MTA3: variants seen among roughly 807,000 people sequenced by gnomAD.
The protein encoded by MTA3 is metastasis-associated protein MTA3.
A neutral mutation model predicts 83.5 loss-of-function variants in MTA3; 34 were observed. That is an observed-to-expected ratio of 0.41 (90% CI 0.31 to 0.54). The LOEUF is 0.54. MTA3 is among the 20% of genes least tolerant of loss of function. The probability of loss-of-function intolerance (pLI) is 0.33; values close to 1 mark genes in which losing one functional copy is unlikely to be tolerated. For synonymous variants in MTA3, 303 were observed against 252.7 expected (o/e 1.20, Z -1.89); for missense variants, 761 against 726.4 (o/e 1.05, Z -0.55).
intron 2 of MTA3, among the ~76,000 whole-genome samples, chr2:42,499,747 C>A (rs1048257820): frequency 6.8e-6 from 1 of 147,730 alleles, no homozygotes; most frequent in Non-Finnish European, 1.5e-5. Flanking sequence ...GAGATCAAGG[C>A]AATGCACTAC....
chr2:42,535,861 G>A (rs1350208895), intron 2 of MTA3, among the ~76,000 whole-genome samples: 1 of 146,392 alleles, frequency 6.8e-6, no homozygotes, highest in Non-Finnish European at 1.5e-5. Flanking sequence ...GCTCATGCCT[G>A]TAATCCTAGC....
At chr2:42,655,299 T>A (rs1338224236) in intron 6 of MTA3, among the ~76,000 whole-genome samples, 1 of 152,206 alleles carries the variant, frequency 6.6e-6, no homozygotes, top group East Asian at 1.9e-4. Context: ...TTAGCTATCT[T>A]CTCTCATTCC....
At chr2:42,568,894 G>C in intron 1 of MTA3, 121 bp downstream of exon 1, 2 of 980,294 alleles carry the variant, frequency 2.0e-6, no homozygotes, top group Non-Finnish European at 2.6e-6. Context: ...CAGTGGGCTG[G>C]GGCGCCGGGG....
At chr2:42,498,063 C>A (rs1674226186) in intron 2 of MTA3, among the ~76,000 whole-genome samples, 1 of 152,144 alleles carries the variant, frequency 6.6e-6, no homozygotes, top group Admixed American at 6.5e-5. Context: ...ACACCGTTTC[C>A]CCCAAAGCTT....
chr2:42,500,811 CTT>C (rs1177557640), intron 2 of MTA3, among the ~76,000 whole-genome samples: 25 of 133,118 alleles, frequency 1.9e-4, no homozygotes, highest in Non-Finnish European at 1.8e-4. Flanking sequence ...CTTTATGAAG[CTT>C]TTTTTTTTTT....
chr2:42,729,097 T>TTTTTTG lies in MTA3; in HGVS notation c.1759+6067_1759+6068insGTTTTT, dbSNP rs1558626057. ...GTTTCACAGTTTGAGTTTTTTTTTT[T>TTTTTTG]TTTTTTTTTTTTTTTTCACAGAGTC... On this transcript the variant is annotated intron_variant, in intron 16 of 16. Transcript: ENST00000405094. Among the ~76,000 whole-genome samples, 4 of 121,466 alleles carry TTTTTTG rather than the reference T, an allele frequency of 3.3e-5. 1 individual carries two copies. The highest frequency in any genetic ancestry group is 2.5e-4 in the Admixed American group (3 of 12,008). 79.7% of individuals were successfully genotyped at this position (121,466 alleles called of 152,430 possible).
At chr2:42,566,582 G>C (rs990904708), upstream of MTA3, among the ~76,000 whole-genome samples, 31 of 152,250 alleles carry the variant, frequency 2.0e-4, no homozygotes, top group African/African-American at 7.0e-4. Flanking sequence ...TTCTGGATGA[G>C]GCTGTTCCTA....
At chr2:42,644,407 A>C (rs1687973642) in intron 6 of MTA3, among the ~76,000 whole-genome samples, 163 bp downstream of exon 6, 1 of 152,180 alleles carries the variant, frequency 6.6e-6, no homozygotes, top group African/African-American at 2.4e-5. Flanking sequence ...AAATAAATAA[A>C]TAGAGATGAG....
intron 16 of MTA3, among the ~76,000 whole-genome samples, chr2:42,747,742 C>G (rs1046303018): frequency 3.3e-5 from 5 of 151,914 alleles, no homozygotes; most frequent in Admixed American, 3.3e-4. Context: ...TTGTTTATAT[C>G]ACACCTATAA....
chr2:42,534,468 G>A (rs1676125642), intron 2 of MTA3, among the ~76,000 whole-genome samples: 1 of 152,130 alleles, frequency 6.6e-6, no homozygotes. Context: ...GTGGTGGTGA[G>A]CACCTGTAGT....
chr2:42,528,007 C>G (rs564598526), intron 2 of MTA3, among the ~76,000 whole-genome samples: 48 of 152,254 alleles, frequency 3.2e-4, no homozygotes, highest in Non-Finnish European at 5.0e-4. Flanking sequence ...TCACTGCAGT[C>G]TCCACCTCCC....
chr2:42,676,688 C>T (rs1402158312), intron 8 of MTA3, among the ~76,000 whole-genome samples: 1 of 152,160 alleles, frequency 6.6e-6, no homozygotes, highest in Non-Finnish European at 1.5e-5. Context: ...ATCATCTGAG[C>T]CCAGGAGGCA....
At chr2:42,752,947 C>T (rs1467721706) in intron 16 of MTA3, among the ~76,000 whole-genome samples, 1 of 147,670 alleles carries the variant, frequency 6.8e-6, no homozygotes, top group Non-Finnish European at 1.5e-5. Flanking sequence ...TTTTTTCAGA[C>T]AGGGTCTTGC....
chr2:42,583,080 C>T (rs1388615043), intron 3 of MTA3, among the ~76,000 whole-genome samples: 1 of 151,882 alleles, frequency 6.6e-6, no homozygotes, highest in Non-Finnish European at 1.5e-5. Context: ...CACCAAAAAA[C>T]GGGGAGAAAA....
intron 2 of MTA3, among the ~76,000 whole-genome samples, chr2:42,497,782 G>A (rs1674213840): frequency 1.3e-5 from 2 of 152,272 alleles, no homozygotes; most frequent in East Asian, 1.9e-4. Flanking sequence ...TGTGAAGGTG[G>A]TATATAGCTC....
At chr2:42,655,834 C>T (rs1354494599) in intron 6 of MTA3, among the ~76,000 whole-genome samples, 3 of 152,232 alleles carry the variant, frequency 2.0e-5, no homozygotes, top group African/African-American at 7.2e-5. Context: ...AACTTCTGGC[C>T]TCAAGTGATC....
At position 42,620,720 on chromosome 2, in the gene MTA3, C is replaced by T. The variant is rs148732000; in HGVS notation, c.317+11136C>T. On this transcript the variant is annotated intron_variant, in intron 4 of 16. Coordinates refer to ENST00000405094, the MANE Select transcript of MTA3 (RefSeq NM_001330442.2). Reference sequence around the variant, plus strand: ...GTTGCCCAGGTTGTTTCTTAAACTTCTGGGTTCAAACAGTCCTCCCATCTT... The same window carrying T: ...GTTGCCCAGGTTGTTTCTTAAACTTTTGGGTTCAAACAGTCCTCCCATCTT... Among the ~76,000 whole-genome samples the T allele has an allele frequency of 5.2e-4, 79 of 152,234 alleles. No individual in the cohort carries two copies. In the East Asian group the frequency reaches 0.011, roughly 21 times the overall value.
intron 15 of MTA3, among the ~76,000 whole-genome samples, chr2:42,720,574 G>GTAT (rs1667332750): frequency 6.6e-6 from 1 of 152,098 alleles, no homozygotes; most frequent in Non-Finnish European, 1.5e-5. Context: ...CGTAATGGTG[G>GTAT]TAATGTCCTT....
Position 42,579,153 on chromosome 2 carries a change from G to A in MTA3, c.143G>A (p.Arg48Gln), listed in dbSNP as rs766940790. Residue 48 changes from arginine to glutamine, a missense_variant, in exon 3 of 17, where the codon CGA becomes CAA. Coordinates refer to ENST00000405094, the MANE Select transcript of MTA3 (RefSeq NM_001330442.2). ...GCAAAAGTAGTATGCTTTTATAGAC[G>A]ACGTGATATTTCCAACACACTTATA... The part of the protein sequence containing the change: ...VEAKVVCFYR[R>Q]RDISNTLIML... 1.2e-6 allele frequency: 2 copies of A among 1,607,710 alleles called. No homozygotes were observed. Among genetic ancestry groups the A allele is most frequent in the Non-Finnish European group, 1.7e-6 (2 of 1,177,308 alleles).
Sources: allele counts gnomAD v4.1 joint callset (sites outside exome capture counted in the v4.1 genomes callset), GRCh38; gene constraint gnomAD v4.1.1; transcripts MANE v1.5; gene names NCBI Gene and HGNC (gene_info 2026-07-23, HGNC 2026-07-21).